The following FARP1 variants were observed in gnomAD, a reference collection of about 807,000 sequenced individuals.
The protein encoded by FARP1 is FERM, ARH/RhoGEF and pleckstrin domain protein 1.
In FARP1, 52 loss-of-function variants were observed where a neutral mutation model predicts 128.8. The ratio of observed to expected loss-of-function variants is 0.40; its 90% CI spans 0.32 to 0.51. FARP1 has a LOEUF of 0.51. FARP1 is among the 20% of genes least tolerant of loss of function. FARP1 has a pLI of 0.45. For missense variants in FARP1, 1,333 were observed against 1,367.9 expected (o/e 0.97, Z 0.40); for synonymous variants, 580 against 551.8 (o/e 1.05, Z -0.72).
At chr13:98,143,719 G>A (rs1257454846) in intron 1 of FARP1, among the ~76,000 whole-genome samples, 3 of 123,908 alleles carry the variant, frequency 2.4e-5, no homozygotes, top group African/African-American at 3.5e-5. Context: ...TCGGGGCTCC[G>A]GGCTGCCCCC....
At chr13:98,424,960 ATTC>A (rs773029740) in intron 17 of FARP1, among the ~76,000 whole-genome samples, 11 of 151,786 alleles carry the variant, frequency 7.2e-5, no homozygotes, top group Admixed American at 2.6e-4. Flanking sequence ...ACCCAAGACA[ATTC>A]TTCTTCTTCC....
intron 9 of FARP1, 40 bp downstream of exon 9, chr13:98,388,518 G>C (rs368431854): frequency 1.2e-5 from 18 of 1,464,184 alleles, no homozygotes; most frequent in South Asian, 3.4e-5. Context: ...GTTGAGCCAT[G>C]GGATGGCGTG....
chr13:98,324,481 A>G (rs1188308554), intron 2 of FARP1, among the ~76,000 whole-genome samples: 3 of 152,242 alleles, frequency 2.0e-5, no homozygotes, highest in Non-Finnish European at 2.9e-5. Flanking sequence ...CCATCAGTTC[A>G]GTCTAAAGAG....
At position 98,439,969 on chromosome 13, in the gene FARP1, G is replaced by C. The variant is rs1892453921; in HGVS notation, c.2442G>C (p.Glu814Asp). The stretch of plus-strand genomic sequence containing the variant: ...TCTTCTCTTGCCCACAGATTGAGGA[G>C]AGCGAAGACGAGTGGGGGGTGCCCC... ...QLPLYGMTIE[E>D]SEDEWGVPHC... is the part of the protein sequence containing the mutation. The change falls in exon 22 of 27, where the codon GAG becomes GAC. Residue 814 changes from glutamate (E) to aspartate (D), a missense_variant. Glu to Asp is a conservative substitution (Grantham distance 45). Coordinates refer to ENST00000319562, the MANE Select transcript of FARP1 (RefSeq NM_005766.4). The C allele has an allele frequency of 1.3e-6, 2 of 1,577,672 alleles. No individual in the cohort carries two copies. Among genetic ancestry groups the C allele is most frequent in the Non-Finnish European group, 1.7e-6 (2 of 1,157,154 alleles).
chr13:98,162,118 T>C (rs1030404070), intron 1 of FARP1, among the ~76,000 whole-genome samples: 2 of 152,202 alleles, frequency 1.3e-5, no homozygotes, highest in Non-Finnish European at 2.9e-5. Context: ...TTTTTCTCAC[T>C]GGCACTTGGA....
chr13:98,207,081 G>A (rs9556903), intron 1 of FARP1, among the ~76,000 whole-genome samples: 29,471 of 152,070 alleles, frequency 0.19, 4,089 homozygotes, highest in East Asian at 0.67. Flanking sequence ...ACTTGCCAGC[G>A]TTCCTGAGAT....
Position 98,390,058 on chromosome 13 carries a change from T to C in FARP1, c.957T>C (p.Phe319=). ...CVEHHAFFRL[F]EEPKPKPKPV... is the part of the protein sequence containing the mutation. ...AACATCATGCCTTCTTTAGACTTTT[T>C]GAAGAGCCCAAACCAAAGCCCAAGC... Residue 319 remains phenylalanine (F), a synonymous_variant, in exon 10 of 27, where the codon TTT becomes TTC. Transcript: ENST00000319562. 6.2e-7 allele frequency: 1 copy of C among 1,614,224 alleles called. No individual in the cohort carries two copies. Among genetic ancestry groups the C allele is most frequent in the Non-Finnish European group, 8.5e-7 (1 of 1,180,028 alleles).
intron 1 of FARP1, among the ~76,000 whole-genome samples, chr13:98,169,451 G>A (rs1877500776): frequency 6.6e-6 from 1 of 152,224 alleles, no homozygotes; most frequent in Admixed American, 6.5e-5. Context: ...TTTGCTGGAT[G>A]CAGTGGTGCA....
At chr13:98,244,625 T>TA (rs1566787751) in intron 2 of FARP1, 1 of 1,614,232 alleles carries the variant, frequency 6.2e-7, no homozygotes, top group Admixed American at 1.7e-5. Flanking sequence ...TCACTCATCT[T>TA]ACAGGCTCTA....
At chr13:98,374,575 A>G (rs773853988) in intron 5 of FARP1, among the ~76,000 whole-genome samples, 4 of 152,196 alleles carry the variant, frequency 2.6e-5, no homozygotes, top group Non-Finnish European at 4.4e-5. Context: ...TGGACCAGCT[A>G]CACTACACAG....
At chr13:98,360,247 C>T (rs1888815899) in intron 3 of FARP1, among the ~76,000 whole-genome samples, 1 of 152,116 alleles carries the variant, frequency 6.6e-6, no homozygotes, top group Non-Finnish European at 1.5e-5. Flanking sequence ...AGGCATGCGC[C>T]ACCACGGCTG....
intron 2 of FARP1, among the ~76,000 whole-genome samples, chr13:98,301,620 T>G (rs1885928677): frequency 6.6e-6 from 1 of 152,192 alleles, no homozygotes; most frequent in Non-Finnish European, 1.5e-5. Context: ...GATAATACTG[T>G]GCATTTAATA....
At chr13:98,423,580 G>A (rs749071824) in intron 16 of FARP1, among the ~76,000 whole-genome samples, 3 of 152,220 alleles carry the variant, frequency 2.0e-5, no homozygotes, top group Non-Finnish European at 4.4e-5. Context: ...CAGCAGCTAT[G>A]CACTGGCACA....
chr13:98,377,654 G>T (rs1441829899), intron 5 of FARP1, among the ~76,000 whole-genome samples, 167 bp from the exon 6 acceptor site: 1 of 152,138 alleles, frequency 6.6e-6, no homozygotes, highest in Non-Finnish European at 1.5e-5. Flanking sequence ...TTGTATTTTG[G>T]AGGGAGATAT....
chr13:98,372,779 G>C (rs891582119), intron 5 of FARP1, among the ~76,000 whole-genome samples: 1 of 152,132 alleles, frequency 6.6e-6, no homozygotes, highest in African/African-American at 2.4e-5. Flanking sequence ...TCACATGAGA[G>C]GTGGACTCTC....
chr13:98,275,576 C>T (rs905462855), intron 2 of FARP1, among the ~76,000 whole-genome samples: 2 of 149,958 alleles, frequency 1.3e-5, no homozygotes, highest in African/African-American at 4.9e-5. Flanking sequence ...TAATTCCTAA[C>T]ATTGTTAGAG....
At chr13:98,218,191 C>T (rs1881202888) in intron 2 of FARP1, among the ~76,000 whole-genome samples, 1 of 151,212 alleles carries the variant, frequency 6.6e-6, no homozygotes, top group African/African-American at 2.4e-5. Flanking sequence ...TTTCTAAACA[C>T]CCACGCCATC....
At chr13:98,324,249 T>C (rs1887133779) in intron 2 of FARP1, among the ~76,000 whole-genome samples, 1 of 152,248 alleles carries the variant, frequency 6.6e-6, no homozygotes, top group Non-Finnish European at 1.5e-5. Flanking sequence ...TCATCCTTTA[T>C]CACCCAGTGT....
chr13:98,194,434 C>A (rs981673236), intron 1 of FARP1, among the ~76,000 whole-genome samples: 1 of 152,168 alleles, frequency 6.6e-6, no homozygotes, highest in Non-Finnish European at 1.5e-5. Flanking sequence ...TTTAAAATTT[C>A]TTTTCATAGA....
Sources: allele counts gnomAD v4.1 joint callset (sites outside exome capture counted in the v4.1 genomes callset), GRCh38; gene constraint gnomAD v4.1.1; transcripts MANE v1.5; gene names NCBI Gene and HGNC (gene_info 2026-07-23, HGNC 2026-07-21).